The following VAT1L variants were observed in gnomAD, a reference collection of about 807,000 sequenced individuals.
VAT1L encodes vesicle amine transport 1 like.
Under a neutral mutation model 44.1 loss-of-function variants are expected in VAT1L, and 34 were observed. That is an observed-to-expected ratio of 0.77 (90% CI 0.59 to 1.03). VAT1L has a LOEUF of 1.03. Among genes scored for constraint, VAT1L ranks in the 50% least tolerant of loss-of-function variants. The pLI is 0.00. For synonymous variants in VAT1L, 253 were observed against 202.2 expected (o/e 1.25, Z -2.13); for missense variants, 615 against 538.8 (o/e 1.14, Z -1.40).
At chr16:77,836,963 G>A (rs892892355) in intron 3 of VAT1L, among the ~76,000 whole-genome samples, 5 of 152,084 alleles carry the variant, frequency 3.3e-5, no homozygotes, top group Non-Finnish European at 5.9e-5. Context: ...AGATACTATC[G>A]CACCTCATTT....
intron 7 of VAT1L, among the ~76,000 whole-genome samples, chr16:77,919,536 G>A (rs996023403): frequency 2.6e-5 from 4 of 152,162 alleles, no homozygotes; most frequent in African/African-American, 7.2e-5. Context: ...ATTTGCAAGC[G>A]TTACTGAGCG....
intron 7 of VAT1L, among the ~76,000 whole-genome samples, chr16:77,952,918 C>G (rs2142525857): frequency 2.0e-5 from 3 of 149,854 alleles, no homozygotes; most frequent in Middle Eastern, 7.0e-3. Context: ...CCCCCTAAAT[C>G]CATGTTTCTC....
intron 7 of VAT1L, among the ~76,000 whole-genome samples, chr16:77,917,975 A>G (rs916320985): frequency 3.3e-5 from 5 of 152,226 alleles, no homozygotes; most frequent in Admixed American, 2.6e-4. Flanking sequence ...ACCCTAGGAA[A>G]ACATCAATTA....
intron 1 of VAT1L, among the ~76,000 whole-genome samples, chr16:77,790,318 C>A (rs1299805600): frequency 6.6e-6 from 1 of 152,136 alleles, no homozygotes; most frequent in Non-Finnish European, 1.5e-5. Context: ...GGATCCTGTA[C>A]AATAAACTCT....
In VAT1L at chr16:77,924,519, GAC is replaced by G. The variant is rs1243603544; in HGVS notation, c.1077+39721_1077+39722del. On this transcript the variant is annotated intron_variant, in intron 7 of 8. Transcript: ENST00000302536. The stretch of plus-strand genomic sequence containing the variant: ...TCTGTCATCCAGGCTGGAGTGCAGT[GAC>G]ACAATCTCGGCTCACTGCAACCTCC... Among the ~76,000 whole-genome samples, 23 of 152,150 alleles carry G rather than the reference GAC, an allele frequency of 1.5e-4. 1 individual carries two copies. In the East Asian group the frequency reaches 4.4e-3, roughly 29 times the overall value.
At position 77,946,279 on chromosome 16, in the gene VAT1L, C is replaced by CTTTTTTTTTTTTTTTTTT. The variant is rs66461822; in HGVS notation, c.1078-25566_1078-25549dup. On this transcript the variant is annotated intron_variant, in intron 7 of 8. Transcript: ENST00000302536. ...GTTCTGGACATCTAGGTTACTTGTT[C>CTTTTTTTTTTTTTTTTTT]TTTTTTTTTTTTTTTTTTTTTTGAG... is the stretch of plus-strand genomic sequence containing the variant. Among the ~76,000 whole-genome samples the CTTTTTTTTTTTTTTTTTT allele has an allele frequency of 8.9e-3, 625 of 70,396 alleles. 216 individuals are homozygous for CTTTTTTTTTTTTTTTTTT. Among genetic ancestry groups the CTTTTTTTTTTTTTTTTTT allele is most frequent in the East Asian group, 0.017 (27 of 1,630 alleles). The allele number at this position is 70,396 out of a possible 152,430, so 46.2% of individuals were successfully genotyped here.
chr16:77,809,110 T>A (rs2145225485), intron 1 of VAT1L, among the ~76,000 whole-genome samples: 1 of 152,358 alleles, frequency 6.6e-6, no homozygotes, highest in African/African-American at 2.4e-5. Context: ...TGGATTTACA[T>A]CACTTGCTTT....
Position 77,977,796 on chromosome 16 carries a change from G to GA in VAT1L, c.*101_*102insA. ...CAGTGAACAAATGCTGTAGTCCAGTGCGTGTCGTGTTTGTCTGCAGTCAGC... is the reference window on the plus strand; with the variant it reads ...CAGTGAACAAATGCTGTAGTCCAGTGACGTGTCGTGTTTGTCTGCAGTCAGC... On this transcript the variant is annotated 3_prime_UTR_variant, in exon 9 of 9. Coordinates refer to ENST00000302536, the MANE Select transcript of VAT1L (RefSeq NM_020927.3). 8.5e-7 allele frequency: 1 copy of GA among 1,171,148 alleles called. No individual in the cohort carries two copies. Among genetic ancestry groups the GA allele is most frequent in the South Asian group, 1.4e-5 (1 of 69,938 alleles). 72.5% of individuals were successfully genotyped at this position (1,171,148 alleles called of 1,614,324 possible).
intron 7 of VAT1L, among the ~76,000 whole-genome samples, chr16:77,949,693 G>A (rs776284975): frequency 4.6e-5 from 7 of 152,154 alleles, no homozygotes; most frequent in Admixed American, 6.6e-5. Flanking sequence ...TGCACCTTCC[G>A]CCATGAGCAG....
At chr16:77,907,616 A>G (rs56101327) in intron 7 of VAT1L, among the ~76,000 whole-genome samples, 19,654 of 74,216 alleles carry the variant, frequency 0.26, 1,381 homozygotes, top group South Asian at 0.37. Flanking sequence ...CAACACAAAG[A>G]TATATTTTTT....
At chr16:77,865,507 T>C (rs946172229) in intron 4 of VAT1L, among the ~76,000 whole-genome samples, 7 of 152,146 alleles carry the variant, frequency 4.6e-5, no homozygotes, top group African/African-American at 1.7e-4. Context: ...TTGTGGAATA[T>C]AGAGTCTTAA....
At chr16:77,826,416 T>G (rs777925411) in intron 3 of VAT1L, among the ~76,000 whole-genome samples, 6 of 152,202 alleles carry the variant, frequency 3.9e-5, no homozygotes, top group Non-Finnish European at 8.8e-5. Flanking sequence ...TCTTATTAAT[T>G]TGTATTCTGC....
chr16:77,880,147 T>G lies in VAT1L; in HGVS notation c.882+923T>G, dbSNP rs1478898235. Among the ~76,000 whole-genome samples, 6 of 152,166 alleles carry G rather than the reference T, an allele frequency of 3.9e-5. No homozygotes were observed. The South Asian group carries it at 1.2e-3, about 32-fold the overall frequency. ...CTATCTGGAGCTATACTTGCTAGAA[T>G]TATACTGATGTTGGCTTGAACTTTT... On this transcript the variant is annotated intron_variant, in intron 6 of 8. Coordinates refer to ENST00000302536, the MANE Select transcript of VAT1L (RefSeq NM_020927.3).
intron 1 of VAT1L, among the ~76,000 whole-genome samples, chr16:77,809,469 T>C (rs1052462741): frequency 2.1e-5 from 3 of 146,162 alleles, no homozygotes; most frequent in Admixed American, 6.9e-5. Flanking sequence ...CTTTTTTTTT[T>C]CCATGGGAAC....
intron 7 of VAT1L, among the ~76,000 whole-genome samples, chr16:77,967,945 G>A (rs1879605857): frequency 6.6e-6 from 1 of 152,186 alleles, no homozygotes; most frequent in Non-Finnish European, 1.5e-5. Context: ...TGGCAGCCCT[G>A]AGTGCCAACC....
chr16:77,975,854 CA>C (rs1368987293), intron 8 of VAT1L, among the ~76,000 whole-genome samples: 1 of 152,202 alleles, frequency 6.6e-6, no homozygotes, highest in Admixed American at 6.5e-5. Context: ...ACCAGTGCCC[CA>C]GAGAATAGAG....
intron 3 of VAT1L, among the ~76,000 whole-genome samples, chr16:77,833,978 G>A (rs1597057484): frequency 6.6e-6 from 1 of 152,098 alleles, no homozygotes; most frequent in Non-Finnish European, 1.5e-5. Context: ...CTCTCCCCAG[G>A]TGATTGCAGC....
chr16:77,934,452 A>AAAAC (rs199914566), intron 7 of VAT1L, among the ~76,000 whole-genome samples: 3 of 152,264 alleles, frequency 2.0e-5, no homozygotes, highest in South Asian at 2.1e-4. Context: ...CAGAATCCAA[A>AAAAC]AAACAAACAA....
At chr16:77,854,001 G>A (rs34143506) in intron 3 of VAT1L, among the ~76,000 whole-genome samples, 46,562 of 151,782 alleles carry the variant, frequency 0.31, 8,046 homozygotes, top group Admixed American at 0.39. Flanking sequence ...GGTGGCACGT[G>A]CCTGTAGTCC....
Sources: allele counts gnomAD v4.1 joint callset (sites outside exome capture counted in the v4.1 genomes callset), GRCh38; gene constraint gnomAD v4.1.1; transcripts MANE v1.5; gene names NCBI Gene and HGNC (gene_info 2026-07-23, HGNC 2026-07-21).